Variants in ARMC9 observed in about 807,000 individuals in gnomAD.
ARMC9 encodes lisH domain-containing protein ARMC9.
A neutral mutation model predicts 107.0 loss-of-function variants in ARMC9; 94 were observed. That is an observed-to-expected ratio of 0.88 (90% CI 0.74 to 1.04). The LOEUF (loss-of-function observed/expected upper bound fraction) is 1.04, where lower values mean the gene tolerates loss of function less well. ARMC9 is among the 50% of genes least tolerant of loss of function. The probability of loss-of-function intolerance (pLI) is 0.00; values close to 1 mark genes in which losing one functional copy is unlikely to be tolerated. For synonymous variants in ARMC9, 380 were observed against 396.9 expected (o/e 0.96, Z 0.51); for missense variants, 942 against 1,030.1 (o/e 0.91, Z 1.17).
At chr2:231,274,542 C>T (rs73096132) in intron 14 of ARMC9, among the ~76,000 whole-genome samples, 16,767 of 152,172 alleles carry the variant, frequency 0.11, 2,178 homozygotes, top group African/African-American at 0.31. Flanking sequence ...TTCTTTTTCT[C>T]GTGGATCGGC....
intron 1 of ARMC9, 103 bp from the exon 2 acceptor site, chr2:231,206,095 A>G (rs1459922317): frequency 1.8e-5 from 13 of 725,552 alleles, no homozygotes. Flanking sequence ...GGATTGGCGC[A>G]TGGATGTCTT....
intron 5 of ARMC9, among the ~76,000 whole-genome samples, chr2:231,222,142 T>G (rs1293728267): frequency 1.3e-5 from 2 of 152,316 alleles, no homozygotes; most frequent in Middle Eastern, 3.4e-3. Flanking sequence ...TTGTTATGTT[T>G]TTTCTTATTT....
intron 12 of ARMC9, among the ~76,000 whole-genome samples, chr2:231,268,885 C>A (rs181241434): frequency 6.6e-6 from 1 of 151,888 alleles, no homozygotes; most frequent in Non-Finnish European, 1.5e-5. Flanking sequence ...AACATAGACC[C>A]CATTCTCTAA....
At chr2:231,315,986 A>G (rs1198723179) in intron 19 of ARMC9, among the ~76,000 whole-genome samples, 3 of 152,212 alleles carry the variant, frequency 2.0e-5, no homozygotes, top group Non-Finnish European at 2.9e-5. Context: ...GTCACAAACT[A>G]CTTTGAGTTA....
intron 8 of ARMC9, among the ~76,000 whole-genome samples, chr2:231,239,653 TTA>T (rs2036100981): frequency 6.6e-6 from 1 of 152,202 alleles, no homozygotes; most frequent in Non-Finnish European, 1.5e-5. Context: ...TAGGATCTGT[TTA>T]TTCTACATGA....
At chr2:231,266,049 G>C (rs968898543) in intron 12 of ARMC9, among the ~76,000 whole-genome samples, 6 of 151,540 alleles carry the variant, frequency 4.0e-5, no homozygotes, top group Non-Finnish European at 7.4e-5. Flanking sequence ...AGATGTCAGA[G>C]AATCTGCAGG....
At chr2:231,280,196 G>A (rs1342155851) in intron 16 of ARMC9, among the ~76,000 whole-genome samples, 2 of 152,328 alleles carry the variant, frequency 1.3e-5, no homozygotes, top group Non-Finnish European at 2.9e-5. Context: ...GCTTACGCCT[G>A]TAATCCCAGC....
chr2:231,338,210 A>T (rs1465188672), intron 20 of ARMC9, among the ~76,000 whole-genome samples: 1 of 151,420 alleles, frequency 6.6e-6, no homozygotes, highest in Non-Finnish European at 1.5e-5. Flanking sequence ...CATAAATCAT[A>T]GTGAAGTTCA....
chr2:231,297,077 AG>A lies in ARMC9; in HGVS notation c.1773+826del, dbSNP rs1308867672. 6.6e-6 allele frequency among the ~76,000 whole-genome samples: 1 copy of A among 152,180 alleles called. No individual in the cohort carries two copies. Among genetic ancestry groups the A allele is most frequent in the Non-Finnish European group, 1.5e-5 (1 of 68,026 alleles). On this transcript the variant is annotated intron_variant, in intron 19 of 24. Transcript: ENST00000611582. The surrounding 1 kb of genome is among the most constrained non-coding windows in gnomAD (Gnocchi z 4.2). Reference sequence around the variant, plus strand: ...TCAGCTTGTAAAATGTGTAAAAGCCAGGTTTTTGATCACTGATGGCATCAGT... The same window carrying A: ...TCAGCTTGTAAAATGTGTAAAAGCCAGTTTTTGATCACTGATGGCATCAGT...
At chr2:231,222,198 AATTT>A (rs1434640151) in intron 5 of ARMC9, among the ~76,000 whole-genome samples, 1 of 152,208 alleles carries the variant, frequency 6.6e-6, no homozygotes, top group Non-Finnish European at 1.5e-5. Context: ...TGAGATAAAT[AATTT>A]GTTTTTAAAG....
At chr2:231,339,962 G>C (rs777137035) in intron 20 of ARMC9, among the ~76,000 whole-genome samples, 11 of 152,110 alleles carry the variant, frequency 7.2e-5, no homozygotes, top group Non-Finnish European at 1.5e-4. Flanking sequence ...CACTATATAG[G>C]GGAGGCAAAA....
intron 23 of ARMC9, among the ~76,000 whole-genome samples, chr2:231,365,912 C>T (rs1038846137): frequency 6.6e-6 from 1 of 152,204 alleles, no homozygotes. Context: ...GATTCTCCTG[C>T]CTCAGCTATT....
intron 11 of ARMC9, among the ~76,000 whole-genome samples, 168 bp from the exon 12 acceptor site, chr2:231,262,138 G>A (rs926567146): frequency 5.3e-5 from 8 of 151,980 alleles, no homozygotes; most frequent in Non-Finnish European, 7.4e-5. Context: ...ATAGGTTCTC[G>A]TTTTGGTTGG....
intron 9 of ARMC9, among the ~76,000 whole-genome samples, chr2:231,241,029 C>T (rs950070934): frequency 3.3e-5 from 5 of 152,062 alleles, no homozygotes; most frequent in African/African-American, 1.2e-4. Context: ...GAAACCCCAT[C>T]TCTACTAAAC....
chr2:231,213,127 G>A (rs946057718), intron 3 of ARMC9, among the ~76,000 whole-genome samples: 4 of 150,632 alleles, frequency 2.7e-5, no homozygotes, highest in Admixed American at 2.7e-4. Context: ...TTTTAAAAAT[G>A]ACAATTATGC....
chr2:231,369,293 T>A (rs114175386), intron 23 of ARMC9, among the ~76,000 whole-genome samples: 5,003 of 152,130 alleles, frequency 0.033, 289 homozygotes, highest in African/African-American at 0.11. Flanking sequence ...TTTTTCTTTT[T>A]TTTTATTTTA....
intron 5 of ARMC9, among the ~76,000 whole-genome samples, chr2:231,221,830 C>CAAAA (rs61031104): frequency 0.41 from 29,749 of 73,254 alleles, 6,515 homozygotes; most frequent in African/African-American, 0.7. Flanking sequence ...GACTCTGTCT[C>CAAAA]AAAAAAAAAA....
intron 19 of ARMC9, among the ~76,000 whole-genome samples, chr2:231,312,017 A>G (rs1247951255): frequency 6.6e-6 from 1 of 152,142 alleles, no homozygotes; most frequent in Non-Finnish European, 1.5e-5. Context: ...TGTCTGGCTC[A>G]TTTGATCAAT....
At chr2:231,252,564 G>A (rs1326712118) in intron 9 of ARMC9, among the ~76,000 whole-genome samples, 1 of 152,124 alleles carries the variant, frequency 6.6e-6, no homozygotes, top group African/African-American at 2.4e-5. Context: ...TAATATTTTA[G>A]TATGGCCATG....
Sources: gnomAD v4.1 joint callset for allele counts (sites outside exome capture counted in the v4.1 genomes callset) on GRCh38, gnomAD v4.1.1 for gene constraint, Gnocchi (gnomAD v3.1) non-coding constraint, MANE v1.5 for transcripts, NCBI Gene and HGNC (gene_info 2026-07-23, HGNC 2026-07-21) for gene names.